The following SRGAP3 variants were observed in gnomAD, a reference collection of about 807,000 sequenced individuals.
The protein encoded by SRGAP3 is SLIT-ROBO Rho GTPase activating protein 3, also known as SLIT-ROBO Rho GTPase-activating protein 3.
SRGAP3 carries 39 observed loss-of-function variants against 121.1 expected under a neutral mutation model. The observed-to-expected ratio is 0.32, with a 90% CI of 0.25 to 0.42. SRGAP3 has a LOEUF of 0.42. Ranked by LOEUF, SRGAP3 falls within the 10% of genes least tolerant of loss-of-function variation. The pLI, the probability that SRGAP3 is intolerant of heterozygous loss-of-function variation, is 1.00. For synonymous variants in SRGAP3, 601 were observed against 570.0 expected (o/e 1.05, Z -0.77); for missense variants, 1,213 against 1,470.6 (o/e 0.82, Z 2.86).
At chr3:9,332,905 A>C (rs1955633788) in intron 1 of SRGAP3, among the ~76,000 whole-genome samples, 2 of 152,204 alleles carry the variant, frequency 1.3e-5, no homozygotes, top group Admixed American at 1.3e-4. Context: ...ATTCAGACTC[A>C]AATGGCTCCA....
chr3:8,998,582 T>G (rs1574874207), intron 18 of SRGAP3, among the ~76,000 whole-genome samples: 2 of 152,086 alleles, frequency 1.3e-5, no homozygotes, highest in South Asian at 4.1e-4. Context: ...TACACACACA[T>G]ATACATACAC....
chr3:9,185,759 ACTC>A (rs1471531281), intron 1 of SRGAP3, among the ~76,000 whole-genome samples: 1 of 149,994 alleles, frequency 6.7e-6, no homozygotes, highest in Admixed American at 6.6e-5. Context: ...CTGGTCTCAA[ACTC>A]CTGGGCGTAA....
At position 9,013,412 on chromosome 3, in the gene SRGAP3, T is replaced by C. The variant is rs1300677538; in HGVS notation, c.2043A>G (p.Glu681=). ...GATGGATGATGATGGTTTTGATGAC[T>C]TCATTGATGTGTGCCTGGCAGGACA... ...DPVSCQAHIN[E]VIKTIIIHHE... Residue 681 remains glutamate, a synonymous_variant, in exon 17 of 22, where the codon GAA becomes GAG. Coordinates refer to ENST00000383836, the MANE Select transcript of SRGAP3 (RefSeq NM_014850.4). 2.5e-6 allele frequency: 4 copies of C among 1,614,014 alleles called. No individual in the cohort carries two copies. The highest frequency in any genetic ancestry group is 2.5e-6 in the Non-Finnish European group (3 of 1,180,016).
intron 1 of SRGAP3, among the ~76,000 whole-genome samples, chr3:9,356,836 T>C (rs982821484): frequency 1.3e-5 from 2 of 152,132 alleles, no homozygotes; most frequent in South Asian, 2.1e-4. Context: ...AGTACAAAGA[T>C]AGGCATTAAA....
intron 1 of SRGAP3, among the ~76,000 whole-genome samples, chr3:9,333,254 G>A (rs1233036481): frequency 6.6e-6 from 1 of 152,186 alleles, no homozygotes. Flanking sequence ...AAATACTGTA[G>A]TGGTGTTTAG....
chr3:9,344,498 G>A (rs991852584), intron 1 of SRGAP3, among the ~76,000 whole-genome samples: 3 of 151,962 alleles, frequency 2.0e-5, no homozygotes, highest in Admixed American at 6.6e-5. Flanking sequence ...CAGGTGTGAC[G>A]GCAGGCACCT....
intron 3 of SRGAP3, among the ~76,000 whole-genome samples, chr3:9,098,739 C>T (rs1207079871): frequency 2.0e-5 from 3 of 152,166 alleles, no homozygotes; most frequent in Non-Finnish European, 4.4e-5. Flanking sequence ...AATGCTTAGC[C>T]CAGAGCCTGG....
chr3:9,058,189 C>G, intron 7 of SRGAP3, 62 bp downstream of exon 7: 4 of 1,557,084 alleles, frequency 2.6e-6, no homozygotes, highest in Non-Finnish European at 3.5e-6. Flanking sequence ...GGATGATGTA[C>G]TGGAGCACAT....
chr3:9,089,292 C>CGGGGGGGGGGG (rs58674136), intron 3 of SRGAP3, among the ~76,000 whole-genome samples: 5 of 8,346 alleles, frequency 6.0e-4, no homozygotes, highest in African/African-American at 1.0e-3. Flanking sequence ...GTGGGGTGGG[C>CGGGGGGGGGGG]GGGGGGGGGG....
intron 3 of SRGAP3, among the ~76,000 whole-genome samples, chr3:9,087,781 G>A (rs1947566350): frequency 1.3e-5 from 2 of 152,122 alleles, no homozygotes; most frequent in Non-Finnish European, 2.9e-5. Flanking sequence ...GATGACCAGG[G>A]CTACGCTTCA....
At chr3:9,027,868 G>A (rs926267365) in intron 12 of SRGAP3, among the ~76,000 whole-genome samples, 2 of 152,228 alleles carry the variant, frequency 1.3e-5, no homozygotes, top group Non-Finnish European at 2.9e-5. Context: ...CACAACGTGA[G>A]TAAACCATGA....
rs768132072 is a variant in SRGAP3 at position 8,990,666 on chromosome 3, T to G, written c.2732A>C (p.Lys911Thr). The part of the protein sequence containing the change: ...LTRGRIESPE[K>T]RRMATFGSAG... ...GCTCCCGAACGTCGCCATCCTCCGC[T>G]TCTCAGGGCTCTCGATCCTCCCCCG... is the stretch of plus-strand genomic sequence containing the variant. The change falls in exon 21 of 22, where the codon AAG becomes ACG. Residue 911 changes from lysine to threonine, a missense_variant. Physicochemically the swap from Lys to Thr is moderately conservative, Grantham distance 78. Around this residue, in one of 2 missense-constraint regions of SRGAP3, gnomAD observed 420 missense variants for 437.7 expected, o/e 0.96. Transcript: ENST00000383836. 1 of 1,613,690 alleles carries G rather than the reference T, an allele frequency of 6.2e-7. No individual in the cohort carries two copies. The highest frequency in any genetic ancestry group is 2.2e-5 in the East Asian group (1 of 44,862).
At chr3:9,148,743 C>G (rs541571148) in intron 1 of SRGAP3, among the ~76,000 whole-genome samples, 2 of 152,308 alleles carry the variant, frequency 1.3e-5, no homozygotes, top group South Asian at 4.1e-4. Flanking sequence ...CTCCACTACC[C>G]CATGCTCCTC....
intron 1 of SRGAP3, among the ~76,000 whole-genome samples, chr3:9,150,121 G>A (rs1950167541): frequency 6.6e-6 from 1 of 152,128 alleles, no homozygotes; most frequent in South Asian, 2.1e-4. Context: ...GGTGGATACA[G>A]GGAGGTGAGC....
chr3:9,246,715 C>T (rs983491507), intron 1 of SRGAP3, among the ~76,000 whole-genome samples: 3 of 152,088 alleles, frequency 2.0e-5, no homozygotes, highest in African/African-American at 7.2e-5. Flanking sequence ...GATTAACACA[C>T]AGAATTTTAA....
At chr3:8,995,160 T>C (rs1423102561) in intron 18 of SRGAP3, among the ~76,000 whole-genome samples, 2 of 152,202 alleles carry the variant, frequency 1.3e-5, no homozygotes, top group Non-Finnish European at 2.9e-5. Context: ...GTCATAATCC[T>C]AGTGCTGGTG....
chr3:9,003,795 T>C (rs1013172366), intron 18 of SRGAP3, among the ~76,000 whole-genome samples: 3 of 152,170 alleles, frequency 2.0e-5, no homozygotes, highest in African/African-American at 4.8e-5. Flanking sequence ...GCTAACATCA[T>C]ACGTAACAGT....
chr3:9,358,467 A>G (rs1348294720), intron 1 of SRGAP3, among the ~76,000 whole-genome samples: 1 of 152,156 alleles, frequency 6.6e-6, no homozygotes, highest in Admixed American at 6.5e-5. Context: ...CACCAACACA[A>G]AAACAGTCAA....
chr3:9,040,698 G>C lies in SRGAP3; in HGVS notation c.1409-2608C>G, dbSNP rs564243030. Among the ~76,000 whole-genome samples, 756 of 152,138 alleles carry C rather than the reference G, an allele frequency of 5.0e-3. 9 individuals carry two copies. The highest frequency in any genetic ancestry group is 0.017 in the African/African-American group (715 of 41,506). ...CCTGCCTCAGCCTCTTGAGTAGCTG[G>C]GACCACAGGCACATACCACCACACC... On this transcript the variant is annotated intron_variant, in intron 10 of 21. Coordinates refer to ENST00000383836, the MANE Select transcript of SRGAP3 (RefSeq NM_014850.4).
Sources: gnomAD v4.1 joint callset for allele counts (sites outside exome capture counted in the v4.1 genomes callset) on GRCh38, gnomAD v4.1.1 for gene constraint, gnomAD v4.1.1 regional missense constraint, MANE v1.5 for transcripts, NCBI Gene and HGNC (gene_info 2026-07-23, HGNC 2026-07-21) for gene names.